ZW10: variants seen among roughly 807,000 people sequenced by gnomAD.
The protein encoded by ZW10 is centromere/kinetochore protein zw10 homolog.
In ZW10, 53 loss-of-function variants were observed where a neutral mutation model predicts 87.8. That is an observed-to-expected ratio of 0.60 (90% CI 0.48 to 0.76). ZW10 has a LOEUF of 0.76. Among genes scored for constraint, ZW10 ranks in the 30% least tolerant of loss-of-function variants. The probability of loss-of-function intolerance (pLI) is 0.00; values close to 1 mark genes in which losing one functional copy is unlikely to be tolerated. For missense variants in ZW10, 837 were observed against 923.0 expected, an observed-to-expected ratio of 0.91 and a Z score of 1.21; for synonymous variants, 312 against 329.2, an observed-to-expected ratio of 0.95 and a Z score of 0.57.
chr11:113,772,782 G>A (rs1224030936), intron 1 of ZW10, among the ~76,000 whole-genome samples: 1 of 148,734 alleles, frequency 6.7e-6, no homozygotes, highest in Non-Finnish European at 1.5e-5. Context: ...AGACCAGTCT[G>A]GCCAACATGG....
At chr11:113,744,810 C>T (rs1953663256) in intron 9 of ZW10, among the ~76,000 whole-genome samples, 1 of 152,198 alleles carries the variant, frequency 6.6e-6, no homozygotes, top group African/African-American at 2.4e-5. Flanking sequence ...CCCTCCTCGA[C>T]TTCCCAAAGT....
At chr11:113,736,203 A>G (rs1953551673) in intron 15 of ZW10, among the ~76,000 whole-genome samples, 1 of 151,994 alleles carries the variant, frequency 6.6e-6, no homozygotes, top group South Asian at 2.1e-4. Flanking sequence ...TGAGCCCACG[A>G]GTTTGAGGCT....
intron 15 of ZW10, among the ~76,000 whole-genome samples, chr11:113,736,182 G>C (rs1324999102): frequency 6.6e-6 from 1 of 152,040 alleles, no homozygotes; most frequent in African/African-American, 2.4e-5. Context: ...GGCTGAGGTG[G>C]GAGGATCCCT....
intron 7 of ZW10, among the ~76,000 whole-genome samples, chr11:113,753,908 T>C (rs1271813060): frequency 1.3e-5 from 2 of 152,194 alleles, no homozygotes; most frequent in Non-Finnish European, 2.9e-5. Context: ...GTCTCCATAA[T>C]AGAAAAGCTC....
chr11:113,751,580 TAAAAC>T (rs1289207282), intron 7 of ZW10, among the ~76,000 whole-genome samples: 3 of 152,134 alleles, frequency 2.0e-5, no homozygotes, highest in Non-Finnish European at 4.4e-5. Context: ...ATTGGAATTT[TAAAAC>T]AAAAGGCTGG....
At chr11:113,749,007 G>T (rs977665868) in intron 7 of ZW10, among the ~76,000 whole-genome samples, 1 of 152,156 alleles carries the variant, frequency 6.6e-6, no homozygotes, top group Non-Finnish European at 1.5e-5. Context: ...TCATAAAAGA[G>T]ACTAGCTGTT....
In ZW10 at chr11:113,737,645, A is replaced by G. The variant is rs1180772809; in HGVS notation, c.1943T>C (p.Ile648Thr). ...TAAAGTCCCCATAGCCTTGCAATAT[A>G]TATTCACTGGCAGGACATCCTGCCA... ...IVWQDVLPVN[I>T]YCKAMGTLLN... The change falls in exon 14 of 16, where the codon ATA becomes ACA. Residue 648 changes from isoleucine to threonine, a missense_variant. Ile to Thr is a moderately conservative substitution (Grantham distance 89). Transcript: ENST00000200135. 3 of 1,613,578 alleles carry G rather than the reference A, an allele frequency of 1.9e-6. No homozygotes were observed. Among genetic ancestry groups the G allele is most frequent in the African/African-American group, 1.3e-5 (1 of 74,926 alleles).
chr11:113,749,794 T>C (rs975347536), intron 7 of ZW10, among the ~76,000 whole-genome samples: 2 of 152,246 alleles, frequency 1.3e-5, no homozygotes, highest in African/African-American at 4.8e-5. Context: ...CTGCAACTAC[T>C]GCATCACATA....
intron 1 of ZW10, among the ~76,000 whole-genome samples, chr11:113,773,329 T>G (rs2134905973): frequency 6.6e-6 from 1 of 151,878 alleles, no homozygotes; most frequent in South Asian, 2.1e-4. Context: ...CCAGGTCTCC[T>G]CGCCTCCTCA....
At chr11:113,750,182 G>A (rs1953720312) in intron 7 of ZW10, among the ~76,000 whole-genome samples, 1 of 152,130 alleles carries the variant, frequency 6.6e-6, no homozygotes, top group Non-Finnish European at 1.5e-5. Context: ...ACCACTGAAA[G>A]AGCAAAGGTA....
intron 1 of ZW10, among the ~76,000 whole-genome samples, 180 bp from the exon 2 acceptor site, chr11:113,769,147 G>A (rs890894665): frequency 1.3e-5 from 2 of 151,808 alleles, no homozygotes; most frequent in African/African-American, 4.8e-5. Context: ...CTCCCACCAT[G>A]AGGGGTCTCA....
At chr11:113,736,900 T>A (rs1953560059) in intron 14 of ZW10, 78 bp from the exon 15 acceptor site, 16 of 1,382,176 alleles carry the variant, frequency 1.2e-5, no homozygotes, top group Non-Finnish European at 1.4e-5. Context: ...AGATCTTTGA[T>A]GCATGCTGTC....
chr11:113,760,131 C>G, intron 5 of ZW10, 78 bp downstream of exon 5: 1 of 1,499,726 alleles, frequency 6.7e-7, no homozygotes, highest in East Asian at 2.3e-5. Context: ...TCTACTAATA[C>G]AAAAATGTAG....
chr11:113,756,137 G>C (rs1026738991), intron 7 of ZW10, among the ~76,000 whole-genome samples: 13 of 152,128 alleles, frequency 8.5e-5, no homozygotes, highest in African/African-American at 3.1e-4. Context: ...TAAGGGTAGA[G>C]TCCTGATCCA....
At chr11:113,741,168 G>A (rs978021681) in intron 11 of ZW10, among the ~76,000 whole-genome samples, 28 of 151,158 alleles carry the variant, frequency 1.9e-4, no homozygotes, top group African/African-American at 6.8e-4. Context: ...AATTAGAGGC[G>A]AGGGTCTCAC....
At chr11:113,747,494 A>G in intron 9 of ZW10, 37 bp downstream of exon 9, 1 of 1,546,834 alleles carries the variant, frequency 6.5e-7, no homozygotes, top group Non-Finnish European at 8.8e-7. Flanking sequence ...TTTCTCATAT[A>G]CAATGTTTCA....
At chr11:113,740,337 C>G (rs146227344) in intron 11 of ZW10, among the ~76,000 whole-genome samples, 1 of 152,080 alleles carries the variant, frequency 6.6e-6, no homozygotes, top group East Asian at 1.9e-4. Context: ...AACTGTAATA[C>G]CATCATTTTG....
Position 113,772,935 on chromosome 11 carries a change from C to T in ZW10, c.105+627G>A, listed in dbSNP as rs112127772. On this transcript the variant is annotated intron_variant, in intron 1 of 15. Coordinates refer to ENST00000200135, the MANE Select transcript of ZW10 (RefSeq NM_004724.4). ...CCGGGAGGCAGAGGTCGCGGTGAGC[C>T]GAGATCACTCCAGCCTGGGCGACAG... Among the ~76,000 whole-genome samples the T allele has an allele frequency of 8.0e-3, 1,208 of 151,628 alleles. 16 individuals are homozygous for T. The highest frequency in any genetic ancestry group is 0.028 in the African/African-American group (1,165 of 41,330).
intron 10 of ZW10, 47 bp from the exon 11 acceptor site, chr11:113,741,812 A>G: frequency 7.2e-7 from 1 of 1,384,552 alleles, no homozygotes; most frequent in Non-Finnish European, 1.0e-6. Context: ...GAATACACTA[A>G]AAACAAGAAA....
Sources: gnomAD v4.1 joint callset for allele counts (sites outside exome capture counted in the v4.1 genomes callset) on GRCh38, gnomAD v4.1.1 for gene constraint, MANE v1.5 for transcripts, NCBI Gene and HGNC (gene_info 2026-07-23, HGNC 2026-07-21) for gene names.